WDFY3: variants seen among roughly 807,000 people sequenced by gnomAD.
WDFY3 encodes the protein WD repeat and FYVE domain containing 3.
WDFY3 carries 66 observed loss-of-function variants against 409.6 expected under a neutral mutation model. That is an observed-to-expected ratio of 0.16 (90% CI 0.13 to 0.20). The LOEUF (loss-of-function observed/expected upper bound fraction) is 0.20, where lower values mean the gene tolerates loss of function less well. WDFY3 is among the 10% of genes least tolerant of loss of function. WDFY3 has a pLI of 1.00. For synonymous variants in WDFY3, 1,521 were observed against 1,537.1 expected (o/e 0.99, Z 0.25); for missense variants, 3,031 against 4,298.1 (o/e 0.71, Z 8.24).
chr4:84,692,810 T>C, intron 59 of WDFY3, 75 bp downstream of exon 59: 1 of 1,445,454 alleles, frequency 6.9e-7, no homozygotes, highest in Non-Finnish European at 9.3e-7. Context: ...AAAAAGCAAA[T>C]TTGTTATTGT....
chr4:84,856,156 T>A (rs1759738953), intron 4 of WDFY3, among the ~76,000 whole-genome samples: 1 of 152,202 alleles, frequency 6.6e-6, no homozygotes, highest in African/African-American at 2.4e-5. Flanking sequence ...GGTTCTAAGT[T>A]TGGGTGACCT....
intron 35 of WDFY3, 118 bp downstream of exon 35, chr4:84,753,579 T>C (rs1369679152): frequency 9.9e-6 from 12 of 1,216,310 alleles, no homozygotes; most frequent in Non-Finnish European, 1.2e-5. Flanking sequence ...GTTATGAAAC[T>C]GTAACTTGGT....
At chr4:84,857,621 A>C (rs771077353) in intron 4 of WDFY3, among the ~76,000 whole-genome samples, 5 of 152,186 alleles carry the variant, frequency 3.3e-5, no homozygotes, top group Non-Finnish European at 7.3e-5. Context: ...AAAATTAGTA[A>C]CTTCCCTGAA....
chr4:84,745,472 G>A (rs1739271927), intron 36 of WDFY3, among the ~76,000 whole-genome samples: 1 of 152,104 alleles, frequency 6.6e-6, no homozygotes, highest in Admixed American at 6.6e-5. Flanking sequence ...TGATTTTCAA[G>A]GTGGTCCTAT....
intron 30 of WDFY3, among the ~76,000 whole-genome samples, chr4:84,767,577 A>G (rs1467019334): frequency 6.6e-6 from 1 of 152,118 alleles, no homozygotes; most frequent in Non-Finnish European, 1.5e-5. Context: ...CAAAGAAAAA[A>G]TTCTTGAAGA....
In WDFY3 at chr4:84,860,605, T is replaced by A. The variant is rs112828731; in HGVS notation, c.-14A>T. ...CACCATGTTCATCTTGGCTGGTTGG[T>A]GAGACGCACTTCTAATTCTGTAGGA... On this transcript the variant is annotated 5_prime_UTR_variant, in exon 4 of 68. Transcript: ENST00000295888. 37 of 1,590,648 alleles carry A rather than the reference T, an allele frequency of 2.3e-5. No individual in the cohort carries two copies. The highest frequency in any genetic ancestry group is 3.0e-5 in the Non-Finnish European group (35 of 1,164,432).
chr4:84,965,113 T>C (rs1775461172), intron 1 of WDFY3, among the ~76,000 whole-genome samples: 1 of 152,234 alleles, frequency 6.6e-6, no homozygotes, highest in Admixed American at 6.5e-5. Context: ...TTCTATAAAT[T>C]AGCACATTTT....
intron 4 of WDFY3, among the ~76,000 whole-genome samples, chr4:84,854,370 G>A (rs1759457838): frequency 6.6e-6 from 1 of 152,164 alleles, no homozygotes; most frequent in Non-Finnish European, 1.5e-5. Context: ...TGACATTGTA[G>A]GTAATACTGA....
At chr4:84,913,575 G>A (rs1258135490) in intron 2 of WDFY3, among the ~76,000 whole-genome samples, 4 of 152,054 alleles carry the variant, frequency 2.6e-5, no homozygotes, top group African/African-American at 9.7e-5. Flanking sequence ...ACCAGACAAT[G>A]AGGAAGAAGA....
intron 41 of WDFY3, 93 bp downstream of exon 41, chr4:84,737,091 C>T: frequency 7.4e-7 from 1 of 1,346,106 alleles, no homozygotes. Flanking sequence ...TTATAGAATC[C>T]TTTTGTGAAT....
Position 84,685,543 on chromosome 4 carries a change from G to C in WDFY3, c.9544-1418C>G, listed in dbSNP as rs972040795. ...GCTTTAGTCTCTGCAAGAGAAAATTGCTCCATTCTGCACTGGGCAAGACCT... is the reference window on the plus strand; with the variant it reads ...GCTTTAGTCTCTGCAAGAGAAAATTCCTCCATTCTGCACTGGGCAAGACCT... On this transcript the variant is annotated intron_variant, in intron 62 of 67. Coordinates refer to ENST00000295888, the MANE Select transcript of WDFY3 (RefSeq NM_014991.6). Among the ~76,000 whole-genome samples, 4 of 152,296 alleles carry C rather than the reference G, an allele frequency of 2.6e-5. No individual in the cohort carries two copies. In the East Asian group the frequency reaches 5.8e-4, roughly 22 times the overall value.
At chr4:84,891,447 A>T (rs911359913) in intron 3 of WDFY3, among the ~76,000 whole-genome samples, 2 of 152,196 alleles carry the variant, frequency 1.3e-5, no homozygotes, top group Non-Finnish European at 2.9e-5. Context: ...TAATGCATTA[A>T]AAATATGAGT....
At chr4:84,694,570 G>A (rs1238307889) in intron 58 of WDFY3, among the ~76,000 whole-genome samples, 4 of 152,162 alleles carry the variant, frequency 2.6e-5, no homozygotes, top group Non-Finnish European at 5.9e-5. Context: ...AAAGAAAAAA[G>A]TTAACTAAAT....
intron 57 of WDFY3, among the ~76,000 whole-genome samples, chr4:84,696,426 G>C (rs955879747): frequency 2.6e-5 from 4 of 152,064 alleles, no homozygotes; most frequent in Non-Finnish European, 4.4e-5. Flanking sequence ...ATAGCTCTTA[G>C]TAGGTTGTTA....
chr4:84,877,938 T>C (rs1273081650), intron 3 of WDFY3, among the ~76,000 whole-genome samples: 2 of 152,136 alleles, frequency 1.3e-5, no homozygotes, highest in Non-Finnish European at 2.9e-5. Flanking sequence ...AGGGGGCAAA[T>C]TTTTTCTTTA....
intron 53 of WDFY3, among the ~76,000 whole-genome samples, chr4:84,707,286 G>C (rs1021372734): frequency 6.6e-6 from 1 of 152,112 alleles, no homozygotes; most frequent in Admixed American, 6.6e-5. Flanking sequence ...ACTGGCTGCA[G>C]TGTAGAGGGC....
At chr4:84,686,316 A>C (rs966958602) in intron 62 of WDFY3, among the ~76,000 whole-genome samples, 5 of 152,038 alleles carry the variant, frequency 3.3e-5, no homozygotes, top group South Asian at 2.1e-4. Flanking sequence ...AAAATAAATA[A>C]ATAAATAAAT....
intron 19 of WDFY3, 34 bp from the exon 20 acceptor site, chr4:84,795,013 T>C: frequency 6.9e-7 from 1 of 1,443,654 alleles, no homozygotes. Context: ...ATATTAGAGA[T>C]CAATGACTCC....
At chr4:84,886,670 G>T (rs997120463) in intron 3 of WDFY3, among the ~76,000 whole-genome samples, 1 of 152,142 alleles carries the variant, frequency 6.6e-6, no homozygotes, top group African/African-American at 2.4e-5. Context: ...AGGAAGGGAG[G>T]AAGGGAAGGA....
Sources: gnomAD v4.1 joint callset for allele counts (sites outside exome capture counted in the v4.1 genomes callset) on GRCh38, gnomAD v4.1.1 for gene constraint, MANE v1.5 for transcripts, NCBI Gene and HGNC (gene_info 2026-07-23, HGNC 2026-07-21) for gene names.